Variants in ASAP1 observed in about 807,000 individuals in gnomAD.
The protein encoded by ASAP1 is arf-GAP with SH3 domain, ANK repeat and PH domain-containing protein 1.
A neutral mutation model predicts 145.2 loss-of-function variants in ASAP1; 43 were observed. The ratio of observed to expected loss-of-function variants is 0.30; its 90% confidence interval spans 0.23 to 0.38. ASAP1 has a LOEUF of 0.38. ASAP1 is among the 10% of genes least tolerant of loss of function. ASAP1 has a pLI of 1.00. For synonymous variants in ASAP1, 546 were observed against 515.5 expected, an observed-to-expected ratio of 1.06 and a Z score of -0.80; for missense variants, 1,018 against 1,355.3, an observed-to-expected ratio of 0.75 and a Z score of 3.91.
chr8:130,242,139 G>A (rs967702838), intron 3 of ASAP1, among the ~76,000 whole-genome samples: 2 of 151,632 alleles, frequency 1.3e-5, no homozygotes, highest in African/African-American at 4.8e-5. Flanking sequence ...GAATGGAGCA[G>A]GTGCTCAAAA....
chr8:130,308,635 A>G (rs1487076435), intron 3 of ASAP1, among the ~76,000 whole-genome samples: 2 of 152,376 alleles, frequency 1.3e-5, no homozygotes, highest in East Asian at 3.9e-4. Flanking sequence ...AATCATTTTT[A>G]AAGTTTTTTC....
At chr8:130,371,667 T>C (rs910167653) in intron 2 of ASAP1, among the ~76,000 whole-genome samples, 1 of 152,194 alleles carries the variant, frequency 6.6e-6, no homozygotes, top group African/African-American at 2.4e-5. Flanking sequence ...AATGTGGTTG[T>C]GACGGCTGAC....
chr8:130,442,102 C>T (rs1192748701), intron 1 of ASAP1, among the ~76,000 whole-genome samples: 2 of 152,112 alleles, frequency 1.3e-5, no homozygotes, highest in Non-Finnish European at 2.9e-5. Flanking sequence ...TTTTAACTCC[C>T]TATCTCAAAA....
chr8:130,281,556 G>A (rs190531673), intron 3 of ASAP1, among the ~76,000 whole-genome samples: 1 of 152,180 alleles, frequency 6.6e-6, no homozygotes, highest in Non-Finnish European at 1.5e-5. Flanking sequence ...AGATTTTCAG[G>A]CTAAAAAACT....
chr8:130,119,444 G>A (rs188286309), intron 18 of ASAP1, among the ~76,000 whole-genome samples: 119 of 152,324 alleles, frequency 7.8e-4, no homozygotes, highest in African/African-American at 2.7e-3. Context: ...TTTTCTTGAG[G>A]AATTGCCTTC....
intron 3 of ASAP1, among the ~76,000 whole-genome samples, chr8:130,242,274 A>C (rs1393358363): frequency 2.0e-5 from 3 of 150,600 alleles, no homozygotes; most frequent in East Asian, 1.9e-4. Context: ...AAAAAAAAAA[A>C]AAAAAAAAAC....
At chr8:130,438,613 G>C (rs1830394279) in intron 1 of ASAP1, among the ~76,000 whole-genome samples, 1 of 152,206 alleles carries the variant, frequency 6.6e-6, no homozygotes, top group South Asian at 2.1e-4. Flanking sequence ...CTGGTAGAGG[G>C]TTTGCATGGG....
At chr8:130,219,261 T>C (rs1212928468) in intron 4 of ASAP1, among the ~76,000 whole-genome samples, 4 of 151,994 alleles carry the variant, frequency 2.6e-5, no homozygotes, top group African/African-American at 7.3e-5. Flanking sequence ...ATCACACACA[T>C]GTCCCCTAAC....
chr8:130,072,675 T>G (rs2097449556), intron 27 of ASAP1, among the ~76,000 whole-genome samples: 1 of 151,924 alleles, frequency 6.6e-6, no homozygotes. Context: ...GGTAAATGTG[T>G]TTCCCTGAGT....
intron 27 of ASAP1, among the ~76,000 whole-genome samples, chr8:130,073,838 T>C (rs866846529): frequency 4.3e-4 from 65 of 152,322 alleles, no homozygotes; most frequent in Non-Finnish European, 1.9e-4. Context: ...CACTACCACC[T>C]ATGAAGTGGT....
chr8:130,105,484 C>T (rs2097535427), intron 24 of ASAP1, among the ~76,000 whole-genome samples: 1 of 152,146 alleles, frequency 6.6e-6, no homozygotes, highest in Non-Finnish European at 1.5e-5. Context: ...GTAGCGAGAA[C>T]ATTTAAAATC....
At chr8:130,431,875 AG>A (rs1349014218) in intron 1 of ASAP1, among the ~76,000 whole-genome samples, 2 of 122,760 alleles carry the variant, frequency 1.6e-5, no homozygotes, top group East Asian at 2.6e-4. Flanking sequence ...GAGGAGTAGG[AG>A]GGGGAAAGGG....
rs542775140 is a variant in ASAP1 at position 130,333,856 on chromosome 8, C to T, written c.186+24161G>A. ...AGAATGGAACACCATGCCTATCCCC[C>T]AGAAGCTGAGATTACAGAAGAGACT... On this transcript the variant is annotated intron_variant, in intron 3 of 29. Coordinates refer to ENST00000518721, the MANE Select transcript of ASAP1 (RefSeq NM_018482.4). 2.6e-5 allele frequency among the ~76,000 whole-genome samples: 4 copies of T among 152,334 alleles called. No homozygotes were observed. In the South Asian group the frequency reaches 8.3e-4, roughly 32 times the overall value.
intron 3 of ASAP1, among the ~76,000 whole-genome samples, chr8:130,304,364 C>T (rs188172423): frequency 1.3e-5 from 2 of 152,214 alleles, no homozygotes; most frequent in African/African-American, 4.8e-5. Context: ...AAGTCTGACA[C>T]ATTCACCCTA....
In ASAP1 at chr8:130,054,705, G is replaced by T; in HGVS notation, c.*26C>A. 1 of 1,596,316 alleles carries T rather than the reference G, an allele frequency of 6.3e-7. No individual in the cohort carries two copies. The highest frequency in any genetic ancestry group is 1.1e-5 in the South Asian group (1 of 90,656). ...GGCAGCAGTCTTGCATGAAGGATGT[G>T]GACAATCTTAAGGTTCTGCGTTTTG... On this transcript the variant is annotated 3_prime_UTR_variant, in exon 30 of 30. Coordinates refer to ENST00000518721, the MANE Select transcript of ASAP1 (RefSeq NM_018482.4).
At chr8:130,127,832 A>G (rs534779342) in intron 16 of ASAP1, 95 bp downstream of exon 16, 3 of 1,407,550 alleles carry the variant, frequency 2.1e-6, no homozygotes, top group African/African-American at 1.4e-5. Context: ...GAGTGTGTCC[A>G]TAGGGGTTAA....
intron 24 of ASAP1, among the ~76,000 whole-genome samples, chr8:130,097,661 C>T (rs2097521399): frequency 6.6e-6 from 1 of 152,222 alleles, no homozygotes. Context: ...TGACTATGCT[C>T]ACCCTGGCAG....
intron 11 of ASAP1, 190 bp from the exon 12 acceptor site, chr8:130,160,154 C>G: frequency 1.8e-6 from 1 of 567,102 alleles, no homozygotes; most frequent in Non-Finnish European, 3.1e-6. Context: ...AGTCACAAAG[C>G]AAGTCCGAGG....
At chr8:130,192,709 A>G (rs1815224346) in intron 5 of ASAP1, among the ~76,000 whole-genome samples, 1 of 152,062 alleles carries the variant, frequency 6.6e-6, no homozygotes, top group African/African-American at 2.4e-5. Flanking sequence ...ATTTGTATAT[A>G]TGTTTGTTTC....
Sources: allele counts gnomAD v4.1 joint callset (sites outside exome capture counted in the v4.1 genomes callset), GRCh38; gene constraint gnomAD v4.1.1; transcripts MANE v1.5; gene names NCBI Gene and HGNC (gene_info 2026-07-23, HGNC 2026-07-21).